Variants in MET observed in about 807,000 individuals in gnomAD.
MET encodes the protein hepatocyte growth factor receptor.
A neutral mutation model predicts 133.1 loss-of-function variants in MET; 48 were observed. The observed-to-expected ratio is 0.36, with a 90% CI of 0.29 to 0.46. The LOEUF (loss-of-function observed/expected upper bound fraction) is 0.46, where lower values mean the gene tolerates loss of function less well. MET is among the 20% of genes least tolerant of loss of function. The pLI, the probability that MET is intolerant of heterozygous loss-of-function variation, is 1.00. For missense variants in MET, 1,442 were observed against 1,695.9 expected (o/e 0.85, Z 2.63); for synonymous variants, 628 against 616.5 (o/e 1.02, Z -0.28).
At chr7:116,709,942 G>C (rs1791932164) in intron 2 of MET, among the ~76,000 whole-genome samples, 1 of 152,102 alleles carries the variant, frequency 6.6e-6, no homozygotes, top group African/African-American at 2.4e-5. Context: ...ATAAAGAAGA[G>C]GAATTTCTAA....
rs949457882 is a variant in MET, at chr7:116,797,953, C to T, written c.*1829C>T. On this transcript the variant is annotated 3_prime_UTR_variant, in exon 21 of 21. Coordinates refer to ENST00000397752, the MANE Select transcript of MET (RefSeq NM_000245.4). ...TAGTGCAGAGACTTACCAGAAGACA[C>T]AAGGAATTGTACTGAAGAGCTATTA... 1.4e-5 allele frequency: 3 copies of T among 221,122 alleles called. No homozygotes were observed. The highest frequency in any genetic ancestry group is 2.2e-5 in the African/African-American group (1 of 44,586). The allele number at this position is 221,122 out of a possible 1,614,324, so 13.7% of individuals were successfully genotyped here.
intron 2 of MET, among the ~76,000 whole-genome samples, chr7:116,715,683 G>A (rs879825420): frequency 9.2e-5 from 14 of 152,144 alleles, no homozygotes; most frequent in South Asian, 2.1e-4. Context: ...AAACAAATCT[G>A]TTATGTAGAT....
At chr7:116,717,603 T>C (rs192974833) in intron 2 of MET, among the ~76,000 whole-genome samples, 231 of 152,330 alleles carry the variant, frequency 1.5e-3, no homozygotes, top group African/African-American at 5.4e-3. Flanking sequence ...ATTCAAATGC[T>C]TCTGGTAATT....
In MET at chr7:116,771,912, T is replaced by C. The variant is rs1794847963; in HGVS notation, c.2951T>C (p.Val984Ala). 1 of 1,613,928 alleles carries C rather than the reference T, an allele frequency of 6.2e-7. No individual in the cohort carries two copies. The highest frequency in any genetic ancestry group is 8.5e-7 in the Non-Finnish European group (1 of 1,179,888). ...CACACTCCTCATTTGGATAGGCTTG[T>C]AAGTGCCCGAAGTGTAAGCCCAACT... ...RVHTPHLDRL[V>A]SARSVSPTTE... is the part of the protein sequence containing the mutation. The change falls in exon 14 of 21, where the codon GTA becomes GCA. Residue 984 changes from valine to alanine, a missense_variant. This residue lies in a region of MET where 514 missense variants were observed against 659.6 expected (regional missense o/e 0.78). Coordinates refer to ENST00000397752, the MANE Select transcript of MET (RefSeq NM_000245.4).
Position 116,771,970 on chromosome 7 carries a change from C to T in MET, c.3009C>T (p.Tyr1003=), listed in dbSNP as rs761162957. ...TEMVSNESVD[Y]RATFPEDQFP... ...TGGTTTCAAATGAATCTGTAGACTA[C>T]CGAGCTACTTTTCCAGAAGGTATAT... The change falls in exon 14 of 21, where the codon TAC becomes TAT. Residue 1003 remains tyrosine (Y), a synonymous_variant. Transcript: ENST00000397752. The T allele has an allele frequency of 6.2e-7, 1 of 1,613,830 alleles. No homozygotes were observed. The highest frequency in any genetic ancestry group is 1.1e-5 in the South Asian group (1 of 91,068).
At chr7:116,736,297 GC>G (rs1285136432) in intron 3 of MET, among the ~76,000 whole-genome samples, 2 of 151,822 alleles carry the variant, frequency 1.3e-5, no homozygotes, top group African/African-American at 4.8e-5. Flanking sequence ...GGGAATGACA[GC>G]TAAGGGATGT....
At chr7:116,785,974 A>G (rs960371921) in intron 19 of MET, among the ~76,000 whole-genome samples, 1 of 152,246 alleles carries the variant, frequency 6.6e-6, no homozygotes. Flanking sequence ...GAAAATGTGA[A>G]TCTGCAACTT....
rs991441243 is a variant in MET at position 116,703,554 on chromosome 7, A to G, written c.1200+3270A>G. On this transcript the variant is annotated intron_variant, in intron 2 of 20. Transcript: ENST00000397752. The stretch of plus-strand genomic sequence containing the variant: ...AAAGGCCCATATGTAGGGAGAAAAA[A>G]CCCTCATCTCTATTTGAGGATAAGC... Among the ~76,000 whole-genome samples the G allele has an allele frequency of 3.0e-4, 46 of 152,022 alleles. 1 individual carries two copies. Among genetic ancestry groups the G allele is most frequent in the African/African-American group, 1.1e-3 (45 of 41,384 alleles).
intron 5 of MET, 166 bp downstream of exon 5, chr7:116,741,191 T>A (rs1793440048): frequency 2.5e-6 from 2 of 793,658 alleles, no homozygotes; most frequent in Non-Finnish European, 4.0e-6. Context: ...TAAAGCACCA[T>A]CTCTCTCTTG....
intron 2 of MET, among the ~76,000 whole-genome samples, chr7:116,723,080 C>T (rs1367545990): frequency 3.4e-4 from 45 of 131,884 alleles, no homozygotes; most frequent in East Asian, 4.4e-4. Context: ...AGAGTGTTTT[C>T]CAACTTGGTT....
intron 3 of MET, among the ~76,000 whole-genome samples, chr7:116,732,622 C>T (rs1485683999): frequency 1.3e-5 from 2 of 152,084 alleles, no homozygotes; most frequent in Non-Finnish European, 2.9e-5. Flanking sequence ...CTATGGAAAT[C>T]TTGAACTTCT....
chr7:116,731,896 C>T (rs2116785340), intron 3 of MET, 37 bp downstream of exon 3: 1 of 1,599,110 alleles, frequency 6.3e-7, no homozygotes, highest in South Asian at 1.1e-5. Context: ...TCTGTTCTAT[C>T]TGGTATTGTG....
In MET at chr7:116,783,402, A is replaced by C. The variant is rs121913677; in HGVS notation, c.3731A>C (p.Lys1244Thr). The change falls in exon 19 of 21, where the codon AAG becomes ACG. Residue 1244 changes from lysine to threonine, a missense_variant. By Grantham distance (78) the Lys-to-Thr change is moderately conservative. This residue lies in a region of MET where 32 missense variants were observed against 72.4 expected (regional missense o/e 0.44). Transcript: ENST00000397752. Reference sequence around the variant, plus strand: ...AGTGTACACAACAAAACAGGTGCAAAGCTGCCAGTGAAGTGGATGGCTTTG... The same window carrying C: ...AGTGTACACAACAAAACAGGTGCAACGCTGCCAGTGAAGTGGATGGCTTTG... ...YYSVHNKTGA[K>T]LPVKWMALES... 6.2e-7 allele frequency: 1 copy of C among 1,614,182 alleles called. No homozygotes were observed. Among genetic ancestry groups the C allele is most frequent in the Non-Finnish European group, 8.5e-7 (1 of 1,180,024 alleles).
rs2116577375 is a variant in MET at position 116,699,073 on chromosome 7, A to G, written c.-12A>G. The G allele has an allele frequency of 1.9e-6, 3 of 1,613,770 alleles. No individual in the cohort carries two copies. The highest frequency in any genetic ancestry group is 2.5e-6 in the Non-Finnish European group (3 of 1,179,788). The stretch of plus-strand genomic sequence containing the variant: ...TCGCCTTGAACCTGTTTTGGCAGAT[A>G]AACCTCTCATAATGAAGGCCCCCGC... On this transcript the variant is annotated splice_region_variant and 5_prime_UTR_variant, in exon 2 of 21. The change creates a new upstream start codon in the 5' untranslated region. Coordinates refer to ENST00000397752, the MANE Select transcript of MET (RefSeq NM_000245.4).
At chr7:116,793,727 C>T (rs986461754) in intron 19 of MET, among the ~76,000 whole-genome samples, 2 of 151,654 alleles carry the variant, frequency 1.3e-5, no homozygotes, top group South Asian at 2.1e-4. Flanking sequence ...GGAGAAACCC[C>T]GTCTCTACTA....
intron 15 of MET, 121 bp from the exon 16 acceptor site, chr7:116,777,268 A>G: frequency 2.3e-6 from 2 of 851,642 alleles, no homozygotes; most frequent in Non-Finnish European, 3.9e-6. Context: ...TATTTTTTAA[A>G]TGTACTCTTT....
At chr7:116,722,243 C>T (rs1792521441) in intron 2 of MET, among the ~76,000 whole-genome samples, 2 of 150,900 alleles carry the variant, frequency 1.3e-5, no homozygotes, top group South Asian at 2.1e-4. Context: ...TATGTAATGG[C>T]CTTGTCTCTT....
rs587780532 is a variant in MET at position 116,795,723 on chromosome 7, C to T, written c.3867C>T (p.Thr1289=). The T allele has an allele frequency of 6.2e-7, 1 of 1,614,094 alleles. No individual in the cohort carries two copies. The highest frequency in any genetic ancestry group is 8.5e-7 in the Non-Finnish European group (1 of 1,179,996). ...CCCCACCTTATCCTGACGTAAACAC[C>T]TTTGATATAACTGTTTACTTGTTGC... ...RGAPPYPDVN[T]FDITVYLLQG... Residue 1289 remains threonine (T), a synonymous_variant, in exon 20 of 21, where the codon ACC becomes ACT. Coordinates refer to ENST00000397752, the MANE Select transcript of MET (RefSeq NM_000245.4).
intron 19 of MET, 52 bp from the exon 20 acceptor site, chr7:116,795,603 A>G: frequency 1.2e-6 from 2 of 1,611,688 alleles, no homozygotes; most frequent in East Asian, 2.2e-5. Flanking sequence ...TTCCTTTCAT[A>G]TATGTATGGT....
Sources: allele counts gnomAD v4.1 joint callset (sites outside exome capture counted in the v4.1 genomes callset), GRCh38; gene constraint gnomAD v4.1.1; regional missense constraint gnomAD v4.1.1; transcripts MANE v1.5; gene names NCBI Gene and HGNC (gene_info 2026-07-23, HGNC 2026-07-21).